Variants in METTL22 observed in about 807,000 individuals in gnomAD.
The protein encoded by METTL22 is methyltransferase-like protein 22.
In METTL22, 51 loss-of-function variants were observed where a neutral mutation model predicts 48.4. The observed-to-expected ratio is 1.05, with a 90% CI of 0.84 to 1.33. The LOEUF (loss-of-function observed/expected upper bound fraction) is 1.33, where lower values mean the gene tolerates loss of function less well. Among genes scored for constraint, METTL22 ranks in the 40% most tolerant of loss-of-function variants. The pLI, the probability that METTL22 is intolerant of heterozygous loss-of-function variation, is 0.00. For missense variants in METTL22, 678 were observed against 526.9 expected (o/e 1.29, Z -2.81); for synonymous variants, 255 against 214.1 (o/e 1.19, Z -1.67).
chr16:8,628,614 C>A, intron 2 of METTL22, 116 bp from the exon 3 acceptor site: 3 of 1,369,462 alleles, frequency 2.2e-6, no homozygotes, highest in East Asian at 4.8e-5. Flanking sequence ...TAGTATATCT[C>A]TACCTGGCCT....
chr16:8,628,565 T>C (rs1366414213), intron 2 of METTL22, among the ~76,000 whole-genome samples, 165 bp from the exon 3 acceptor site: 1 of 152,070 alleles, frequency 6.6e-6, no homozygotes, highest in Admixed American at 6.6e-5. Flanking sequence ...TGGCTGGTGG[T>C]GGTCACAGCT....
intron 10 of METTL22, 94 bp downstream of exon 10, chr16:8,644,819 C>G: frequency 7.6e-7 from 1 of 1,311,946 alleles, no homozygotes; most frequent in Non-Finnish European, 1.0e-6. Flanking sequence ...CCTCCAAGCA[C>G]AGGCTCCACC....
At chr16:8,634,955 C>T (rs767890121) in intron 3 of METTL22, 84 bp from the exon 4 acceptor site, 54 of 1,559,730 alleles carry the variant, frequency 3.5e-5, no homozygotes, top group Admixed American at 2.0e-4. Flanking sequence ...ACCGTGCTGG[C>T]GGTTGCCACA....
the METTL22 span, among the ~76,000 whole-genome samples, chr16:8,663,666 T>C: frequency 6.6e-6 from 1 of 152,216 alleles, no homozygotes; most frequent in Non-Finnish European, 1.5e-5. Context: ...CACAGCCCTG[T>C]GGGGTAAGTA....
chr16:8,634,803 A>G (rs975156934), intron 3 of METTL22, among the ~76,000 whole-genome samples: 6 of 152,300 alleles, frequency 3.9e-5, no homozygotes, highest in African/African-American at 1.2e-4. Flanking sequence ...AGAGATACCC[A>G]GTTACATGAA....
the METTL22 span, among the ~76,000 whole-genome samples, chr16:8,660,763 G>C: frequency 0.025 from 3,534 of 139,548 alleles, 205 homozygotes; most frequent in African/African-American, 0.092. Context: ...AGATTGGGCC[G>C]GCAAGTGGGC....
In METTL22 at chr16:8,646,553, C is replaced by T. The variant is rs907413729; in HGVS notation, c.*410C>T. On this transcript the variant is annotated 3_prime_UTR_variant, in exon 11 of 11. Coordinates refer to ENST00000381920, the MANE Select transcript of METTL22 (RefSeq NM_024109.4). ...GGTTGACTACCACTGCCAGTATTGC[C>T]ATCATATTGCCGCTCGGCACAAAAG... The T allele has an allele frequency of 8.3e-6, 4 of 484,728 alleles. No individual in the cohort carries two copies. The highest frequency in any genetic ancestry group is 4.6e-5 in the South Asian group (3 of 64,768). 30.0% of individuals were successfully genotyped at this position (484,728 alleles called of 1,614,324 possible).
chr16:8,652,756 T>G (rs2056918257), downstream of METTL22, among the ~76,000 whole-genome samples: 1 of 152,124 alleles, frequency 6.6e-6, no homozygotes, highest in Admixed American at 6.6e-5. Context: ...TGGCCCTATG[T>G]GAGTGACTGT....
intron 6 of METTL22, chr16:8,639,620 C>T (rs956746802): frequency 9.3e-5 from 18 of 192,634 alleles, no homozygotes; most frequent in Admixed American, 3.7e-4. Context: ...CTCCTTGCCT[C>T]CTCCTGACAG....
At chr16:8,634,956 G>T in intron 3 of METTL22, 83 bp from the exon 4 acceptor site, 7 of 1,571,092 alleles carry the variant, frequency 4.5e-6, no homozygotes, top group Non-Finnish European at 6.1e-6. Flanking sequence ...CCGTGCTGGC[G>T]GTTGCCACAC....
chr16:8,636,287 C>T (rs531000595), intron 5 of METTL22, among the ~76,000 whole-genome samples: 1 of 152,278 alleles, frequency 6.6e-6, no homozygotes, highest in South Asian at 2.1e-4. Flanking sequence ...GTAATCCCAG[C>T]CCTTTGGGAG....
At chr16:8,666,988 G>A in the METTL22 span, 1 of 151,680 alleles carries the variant, frequency 6.6e-6, no homozygotes, top group Non-Finnish European at 1.5e-5. Flanking sequence ...TAGAGACAGG[G>A]TTTCACTATG....
At chr16:8,641,356 G>C (rs539812023) in intron 7 of METTL22, 172 bp downstream of exon 7, 1 of 701,210 alleles carries the variant, frequency 1.4e-6, no homozygotes, top group South Asian at 1.5e-5. Flanking sequence ...GTCATTCTCT[G>C]AGCGCCTGCT....
intron 3 of METTL22, chr16:8,631,989 C>G (rs1195006240): frequency 6.6e-6 from 1 of 152,246 alleles, no homozygotes; most frequent in African/African-American, 2.4e-5. Flanking sequence ...TTGTTGTGAT[C>G]TCTGACTATC....
chr16:8,633,737 T>G (rs1445222921), intron 3 of METTL22, among the ~76,000 whole-genome samples: 1 of 152,236 alleles, frequency 6.6e-6, no homozygotes, highest in African/African-American at 2.4e-5. Flanking sequence ...CTCGAAGCTG[T>G]CATTGGGTGA....
At chr16:8,657,432 G>A in the METTL22 span, among the ~76,000 whole-genome samples, 1 of 152,218 alleles carries the variant, frequency 6.6e-6, no homozygotes, top group Non-Finnish European at 1.5e-5. Flanking sequence ...GATCTTGGGG[G>A]CTGAAGTTTG....
chr16:8,666,314 G>A, the METTL22 span, among the ~76,000 whole-genome samples: 1 of 152,190 alleles, frequency 6.6e-6, no homozygotes, highest in African/African-American at 2.4e-5. Flanking sequence ...ATGGAACGGA[G>A]CTGCAGTCAC....
intron 1 of METTL22, among the ~76,000 whole-genome samples, chr16:8,622,276 T>G (rs1487173785): frequency 6.6e-6 from 1 of 152,180 alleles, no homozygotes; most frequent in Non-Finnish European, 1.5e-5. Context: ...GTTGCAGTTA[T>G]CAGAAAGAAA....
the METTL22 span, among the ~76,000 whole-genome samples, chr16:8,656,232 C>G: frequency 2.0e-5 from 3 of 152,142 alleles, no homozygotes; most frequent in Non-Finnish European, 4.4e-5. Context: ...CAGGTGTGCA[C>G]CACTGTTCCT....
Sources: gnomAD v4.1 joint callset for allele counts (sites outside exome capture counted in the v4.1 genomes callset) on GRCh38, gnomAD v4.1.1 for gene constraint, MANE v1.5 for transcripts, NCBI Gene and HGNC (gene_info 2026-07-23, HGNC 2026-07-21) for gene names.